MAN2B2: variants seen among roughly 807,000 people sequenced by gnomAD.
The protein encoded by MAN2B2 is mannosidase alpha class 2B member 2.
In MAN2B2, 106 loss-of-function variants were observed where a neutral mutation model predicts 117.1. The ratio of observed to expected loss-of-function variants is 0.90; its 90% CI spans 0.77 to 1.06. MAN2B2 has a LOEUF of 1.06. Ranked by LOEUF, MAN2B2 falls within the 50% of genes least tolerant of loss-of-function variation. MAN2B2 has a pLI of 0.00. For missense variants in MAN2B2, 1,326 were observed against 1,381.4 expected (o/e 0.96, Z 0.64); for synonymous variants, 544 against 595.1 (o/e 0.91, Z 1.25).
chr4:6,622,458 A>G lies in MAN2B2; in HGVS notation c.*1173A>G, dbSNP rs1577301357. On this transcript the variant is annotated 3_prime_UTR_variant, in exon 19 of 19. Coordinates refer to ENST00000285599, the MANE Select transcript of MAN2B2 (RefSeq NM_015274.3). The stretch of plus-strand genomic sequence containing the variant: ...TTAAAACTTTTTTTTTTTTTTCCCG[A>G]GACAGAGTCTCACTCTGTCGCCCAG... 1 of 147,168 alleles carries G rather than the reference A, an allele frequency of 6.8e-6. No homozygotes were observed. The highest frequency in any genetic ancestry group is 1.5e-5 in the Non-Finnish European group (1 of 66,896). The allele number at this position is 147,168 out of a possible 1,614,324, so 9.1% of individuals were successfully genotyped here. A position where few individuals can be genotyped will look rare whatever the true frequency, so the allele number is the denominator to read the frequency against.
At chr4:6,594,964 T>C (rs1171910422) in intron 7 of MAN2B2, among the ~76,000 whole-genome samples, 1 of 152,224 alleles carries the variant, frequency 6.6e-6, no homozygotes, top group Non-Finnish European at 1.5e-5. Flanking sequence ...CCTCTCACCA[T>C]TGCCCACCAC....
chr4:6,590,177 G>A (rs1313193689), intron 5 of MAN2B2, among the ~76,000 whole-genome samples: 4 of 152,068 alleles, frequency 2.6e-5, no homozygotes, highest in African/African-American at 9.7e-5. Flanking sequence ...TTTGAGACCA[G>A]CCTGGCCAAC....
chr4:6,611,541 A>G (rs1281057156), intron 15 of MAN2B2, among the ~76,000 whole-genome samples: 1 of 147,520 alleles, frequency 6.8e-6, no homozygotes, highest in African/African-American at 2.7e-5. Context: ...TATCTTCTCC[A>G]TTTTCTTCTC....
chr4:6,582,341 C>CTGT (rs781516414), intron 3 of MAN2B2, among the ~76,000 whole-genome samples: 1 of 152,022 alleles, frequency 6.6e-6, no homozygotes, highest in African/African-American at 2.4e-5. Context: ...GCCGTTGCTG[C>CTGT]TGTTGTTGTT....
chr4:6,586,882 C>A, intron 3 of MAN2B2, 114 bp from the exon 4 acceptor site: 2 of 882,582 alleles, frequency 2.3e-6, no homozygotes, highest in Non-Finnish European at 3.5e-6. Context: ...CCCTGCCTGG[C>A]CCAGTAGCTG....
chr4:6,605,298 G>C lies in MAN2B2; in HGVS notation c.1783G>C (p.Asp595His), dbSNP rs752072440. ...CTGCTACATTGTGCTGCTCGACCAG[G>C]ATACCAACCTGATGCACAGCATCTG... ...NDCYIVLLDQDTNLMHSIWER... is the reference protein window; with the variant it reads ...NDCYIVLLDQHTNLMHSIWER... The change falls in exon 11 of 19, where the codon GAT becomes CAT. Residue 595 changes from aspartate (D) to histidine (H), a missense_variant. Coordinates refer to ENST00000285599, the MANE Select transcript of MAN2B2 (RefSeq NM_015274.3). 1.2e-6 allele frequency: 2 copies of C among 1,612,672 alleles called. No homozygotes were observed. Among genetic ancestry groups the C allele is most frequent in the Non-Finnish European group, 1.7e-6 (2 of 1,178,900 alleles).
At chr4:6,614,521 G>C (rs1201248992) in intron 16 of MAN2B2, among the ~76,000 whole-genome samples, 166 bp downstream of exon 16, 1 of 152,154 alleles carries the variant, frequency 6.6e-6, no homozygotes, top group East Asian at 1.9e-4. Flanking sequence ...GGGAGAGTCA[G>C]TGATCAGTCA....
chr4:6,590,474 C>T lies in MAN2B2; in HGVS notation c.680+1314C>T, dbSNP rs1189020728. ...TGGCCATGACAGGTCCCCTTCTGCT[C>T]TCGCCTCGCCTGTCCGTACCTGCCA... On this transcript the variant is annotated intron_variant, in intron 5 of 18. Coordinates refer to ENST00000285599, the MANE Select transcript of MAN2B2 (RefSeq NM_015274.3). Among the ~76,000 whole-genome samples, 3 of 152,326 alleles carry T rather than the reference C, an allele frequency of 2.0e-5. No homozygotes were observed. The South Asian group carries it at 6.2e-4, about 32-fold the overall frequency.
At chr4:6,589,743 G>A (rs964887689) in intron 5 of MAN2B2, among the ~76,000 whole-genome samples, 2 of 152,182 alleles carry the variant, frequency 1.3e-5, no homozygotes, top group South Asian at 2.1e-4. Context: ...ACTCTGAATT[G>A]CTTCTTGTTA....
chr4:6,599,691 G>A (rs1441103727), intron 9 of MAN2B2, among the ~76,000 whole-genome samples: 1 of 151,158 alleles, frequency 6.6e-6, no homozygotes, highest in Admixed American at 6.6e-5. Context: ...AAAGTTCTGG[G>A]ATCACAGGCA....
intron 15 of MAN2B2, 75 bp from the exon 16 acceptor site, chr4:6,614,143 T>A: frequency 6.4e-7 from 1 of 1,551,782 alleles, no homozygotes; most frequent in Non-Finnish European, 8.8e-7. Context: ...GGGCATGTAA[T>A]GTGCAGAGCT....
Position 6,620,047 on chromosome 4 carries a change from T to G in MAN2B2, c.2932+3T>G. The G allele has an allele frequency of 6.2e-7, 1 of 1,608,528 alleles. No individual in the cohort carries two copies. Among genetic ancestry groups the G allele is most frequent in the Non-Finnish European group, 8.5e-7 (1 of 1,177,602 alleles). ...GACGGGGCCTGGCCGCCACAGAGGT[T>G]TGGGGACCCCCGCTTCAGCTCCCTA... is the stretch of plus-strand genomic sequence containing the variant. On this transcript the variant is annotated splice_donor_region_variant and intron_variant, in intron 18 of 18. Coordinates refer to ENST00000285599, the MANE Select transcript of MAN2B2 (RefSeq NM_015274.3).
At position 6,609,301 on chromosome 4, in the gene MAN2B2, G is replaced by A; in HGVS notation, c.2006+3G>A. The A allele has an allele frequency of 1.2e-6, 2 of 1,613,006 alleles. No homozygotes were observed. The highest frequency in any genetic ancestry group is 1.7e-6 in the Non-Finnish European group (2 of 1,179,520). Reference sequence around the variant, plus strand: ...GAGATCCGGCAGTACTTCTACAGGTGCTTCCCCTGGGGTGACCCCCACAGC... The same window carrying A: ...GAGATCCGGCAGTACTTCTACAGGTACTTCCCCTGGGGTGACCCCCACAGC... On this transcript the variant is annotated splice_donor_region_variant and intron_variant, in intron 12 of 18. Coordinates refer to ENST00000285599, the MANE Select transcript of MAN2B2 (RefSeq NM_015274.3).
chr4:6,611,407 C>T, intron 15 of MAN2B2, 129 bp downstream of exon 15: 1 of 913,158 alleles, frequency 1.1e-6, no homozygotes, highest in Non-Finnish European at 1.6e-6. Context: ...CCTCAGGGAC[C>T]TCTAGCCCAA....
At position 6,614,317 on chromosome 4, in the gene MAN2B2, GCTCCA is replaced by G. The variant is rs751286613; in HGVS notation, c.2664_2668del (p.Ser888ArgfsTer20). On this transcript the variant is annotated frameshift_variant, in exon 16 of 19. Coordinates refer to ENST00000285599, the MANE Select transcript of MAN2B2 (RefSeq NM_015274.3). LOFTEE classifies it high-confidence loss of function. ...CTGAGCATCCCTGGCTGGCGCTACA[GCTCCA>G]ACCACACGGAGCACTCTCAGAATCT... 4 of 1,614,030 alleles carry G rather than the reference GCTCCA, an allele frequency of 2.5e-6. No individual in the cohort carries two copies. Among genetic ancestry groups the G allele is most frequent in the Non-Finnish European group, 3.4e-6 (4 of 1,180,024 alleles).
intron 10 of MAN2B2, among the ~76,000 whole-genome samples, chr4:6,604,129 C>G (rs559137298): frequency 1.3e-5 from 2 of 152,154 alleles, no homozygotes; most frequent in East Asian, 3.9e-4. Flanking sequence ...AGGCAGGAAA[C>G]GGCAGGAGTG....
chr4:6,591,926 G>A (rs1373053867), intron 5 of MAN2B2, among the ~76,000 whole-genome samples: 4 of 152,190 alleles, frequency 2.6e-5, no homozygotes, highest in East Asian at 1.9e-4. Flanking sequence ...GCCCACTGAC[G>A]GAGATGCTGT....
At chr4:6,577,672 T>C (rs1298478255) in intron 2 of MAN2B2, among the ~76,000 whole-genome samples, 2 of 152,208 alleles carry the variant, frequency 1.3e-5, no homozygotes, top group African/African-American at 2.4e-5. Flanking sequence ...GAGGCAGGCC[T>C]TTCCAGGATA....
intron 4 of MAN2B2, among the ~76,000 whole-genome samples, chr4:6,588,652 T>C (rs965749033): frequency 5.3e-5 from 8 of 151,842 alleles, no homozygotes; most frequent in Non-Finnish European, 8.8e-5. Context: ...GAGGTGAAGG[T>C]TTCAGTGAGC....
Sources: gnomAD v4.1 joint callset for allele counts (sites outside exome capture counted in the v4.1 genomes callset) on GRCh38, gnomAD v4.1.1 for gene constraint, MANE v1.5 for transcripts, NCBI Gene and HGNC (gene_info 2026-07-23, HGNC 2026-07-21) for gene names.